KAZN: variants seen among roughly 807,000 people sequenced by gnomAD.
KAZN encodes the protein kazrin.
A neutral mutation model predicts 87.4 loss-of-function variants in KAZN; 40 were observed. The observed-to-expected ratio is 0.46, with a 90% CI of 0.36 to 0.60. KAZN has a LOEUF of 0.60. Among genes scored for constraint, KAZN ranks in the 20% least tolerant of loss-of-function variants. The pLI, the probability that KAZN is intolerant of heterozygous loss-of-function variation, is 0.00. For synonymous variants in KAZN, 466 were observed against 458.3 expected (o/e 1.02, Z -0.22); for missense variants, 898 against 1,073.9 (o/e 0.84, Z 2.29).
At chr1:13,901,579 T>C (rs1639251433) in intron 1 of KAZN, among the ~76,000 whole-genome samples, 1 of 152,152 alleles carries the variant, frequency 6.6e-6, no homozygotes, top group African/African-American at 2.4e-5. Context: ...CAATGAAAGG[T>C]TTGAAATTCC....
intron 13 of KAZN, among the ~76,000 whole-genome samples, chr1:15,111,661 C>T (rs116267564): frequency 0.018 from 2,784 of 152,288 alleles, 99 homozygotes; most frequent in African/African-American, 0.063. Flanking sequence ...ATCTGTTTAT[C>T]CACAGCATTG....
At chr1:13,917,797 CA>C (rs35268955) in intron 1 of KAZN, among the ~76,000 whole-genome samples, 20,045 of 77,574 alleles carry the variant, frequency 0.26, 1,152 homozygotes, top group Non-Finnish European at 0.32. Context: ...CCTGTGTCAT[CA>C]AAAAAAAAAA....
At chr1:14,902,306 A>C (rs1331718728) in intron 1 of KAZN, among the ~76,000 whole-genome samples, 1 of 151,870 alleles carries the variant, frequency 6.6e-6, no homozygotes, top group Non-Finnish European at 1.5e-5. Context: ...GCTCACAGCA[A>C]GCTCCGCCTC....
intron 2 of KAZN, among the ~76,000 whole-genome samples, chr1:14,369,368 A>T (rs1455989159): frequency 6.6e-6 from 1 of 152,208 alleles, no homozygotes; most frequent in African/African-American, 2.4e-5. Flanking sequence ...ACCTTAAAGG[A>T]TGTGCATGAG....
At chr1:14,899,644 C>T (rs998342035) in intron 1 of KAZN, among the ~76,000 whole-genome samples, 1 of 152,088 alleles carries the variant, frequency 6.6e-6, no homozygotes, top group Non-Finnish European at 1.5e-5. Flanking sequence ...TCATGAGGCC[C>T]GGATTTAAAT....
At chr1:14,156,840 C>T (rs969718130) in intron 1 of KAZN, among the ~76,000 whole-genome samples, 4 of 149,254 alleles carry the variant, frequency 2.7e-5, no homozygotes, top group East Asian at 1.9e-4. Context: ...ACATTCCATG[C>T]TATTATTGAC....
Position 14,755,087 on chromosome 1 carries a change from CAAAAAA to C in KAZN, c.226+155876_226+155881del, listed in dbSNP as rs3032756. On this transcript the variant is annotated intron_variant, in intron 1 of 14. Coordinates refer to ENST00000376030, the MANE Select transcript of KAZN (RefSeq NM_201628.3). ...AGAAACCCCATCTCTACTAAAAATG[CAAAAAA>C]AAAAAAAAAAATAGCCAGGTGTGGT... Among the ~76,000 whole-genome samples, 5 of 115,556 alleles carry C rather than the reference CAAAAAA, an allele frequency of 4.3e-5. No homozygotes were observed. The South Asian group carries it at 1.5e-3, about 34-fold the overall frequency. 75.8% of individuals were successfully genotyped at this position (115,556 alleles called of 152,430 possible).
intron 1 of KAZN, among the ~76,000 whole-genome samples, chr1:14,882,678 C>A (rs1271866460): frequency 1.3e-5 from 2 of 152,182 alleles, no homozygotes; most frequent in African/African-American, 4.8e-5. Context: ...CCCTTCTTCT[C>A]CCTGCACGTG....
At chr1:14,605,872 G>A (rs2148609877) in intron 1 of KAZN, among the ~76,000 whole-genome samples, 2 of 152,344 alleles carry the variant, frequency 1.3e-5, no homozygotes, top group Admixed American at 1.3e-4. Flanking sequence ...AGATAGTGAT[G>A]ACTACAATGG....
At chr1:14,853,751 A>C (rs1649742606) in intron 1 of KAZN, among the ~76,000 whole-genome samples, 1 of 152,162 alleles carries the variant, frequency 6.6e-6, no homozygotes, top group Non-Finnish European at 1.5e-5. Context: ...CAGGCTGCTC[A>C]AGGAAGTCTG....
intron 2 of KAZN, among the ~76,000 whole-genome samples, chr1:14,218,950 C>A (rs1335697414): frequency 6.6e-6 from 1 of 152,052 alleles, no homozygotes; most frequent in African/African-American, 2.4e-5. Context: ...CATCACATGG[C>A]TGTGATAGAA....
At position 14,868,119 on chromosome 1, in the gene KAZN, C is replaced by T. The variant is rs892228839; in HGVS notation, c.227-92565C>T. 4.6e-5 allele frequency among the ~76,000 whole-genome samples: 7 copies of T among 151,536 alleles called. No individual in the cohort carries two copies. In the East Asian group the frequency reaches 5.8e-4, roughly 13 times the overall value. ...ATCACATACACAGGCATTGCATACA[C>T]GGGCATCACATAGCACGGCATCACA... On this transcript the variant is annotated intron_variant, in intron 1 of 14. Transcript: ENST00000376030.
intron 2 of KAZN, among the ~76,000 whole-genome samples, chr1:14,288,592 G>A (rs1557617644): frequency 6.6e-6 from 1 of 152,114 alleles, no homozygotes; most frequent in Admixed American, 6.6e-5. Context: ...AGTCTTGCTA[G>A]TGGTCTATCA....
At chr1:14,687,414 C>T (rs543467788) in intron 1 of KAZN, among the ~76,000 whole-genome samples, 6 of 152,260 alleles carry the variant, frequency 3.9e-5, no homozygotes, top group East Asian at 3.9e-4. Flanking sequence ...ACAGCTTCTG[C>T]GGCTCCAAGG....
At chr1:14,276,330 T>C (rs994613313) in intron 2 of KAZN, among the ~76,000 whole-genome samples, 5 of 152,178 alleles carry the variant, frequency 3.3e-5, no homozygotes, top group African/African-American at 7.2e-5. Context: ...TCAACTCCTG[T>C]TGAGAAGATC....
intron 1 of KAZN, among the ~76,000 whole-genome samples, chr1:14,868,286 G>T (rs1299648585): frequency 6.6e-6 from 1 of 152,382 alleles, no homozygotes; most frequent in East Asian, 1.9e-4. Flanking sequence ...GCCACTGGAG[G>T]GGAACTGTTC....
rs1415347919 is a variant in KAZN at position 14,773,444 on chromosome 1, A to G, written c.226+174221A>G. Among the ~76,000 whole-genome samples the G allele has an allele frequency of 1.3e-5, 2 of 151,874 alleles. No individual in the cohort carries two copies. The highest frequency in any genetic ancestry group is 2.9e-5 in the Non-Finnish European group (2 of 67,942). On this transcript the variant is annotated intron_variant, in intron 1 of 14. Transcript: ENST00000376030. This position sits in a 1 kb window ranked among gnomAD's most constrained non-coding sequence, Gnocchi z 5.9. ...GCATTTTCAACTCTGCCTCAAATCA[A>G]CTCTGCACTAAGGTGTGAAACGTAA...
chr1:14,540,719 T>C (rs1672757998), intron 2 of KAZN, among the ~76,000 whole-genome samples: 1 of 152,206 alleles, frequency 6.6e-6, no homozygotes, highest in South Asian at 2.1e-4. Context: ...AATTTCTGGA[T>C]GGGGAAAATA....
intron 1 of KAZN, among the ~76,000 whole-genome samples, chr1:14,026,845 G>A (rs903702502): frequency 1.3e-5 from 2 of 152,154 alleles, no homozygotes; most frequent in South Asian, 2.1e-4. Context: ...TTGCAGAGTG[G>A]TAATTGCTTG....
Sources: gnomAD v4.1 joint callset for allele counts (sites outside exome capture counted in the v4.1 genomes callset) on GRCh38, gnomAD v4.1.1 for gene constraint, Gnocchi (gnomAD v3.1) non-coding constraint, MANE v1.5 for transcripts, NCBI Gene and HGNC (gene_info 2026-07-23, HGNC 2026-07-21) for gene names.